Variants in CHN2 observed in about 807,000 individuals in gnomAD.
CHN2 encodes the protein beta-chimaerin.
Under a neutral mutation model 56.3 loss-of-function variants are expected in CHN2, and 35 were observed. The observed-to-expected ratio is 0.62, with a 90% CI of 0.47 to 0.82. The LOEUF is 0.82. CHN2 is among the 40% of genes least tolerant of loss of function. The pLI, the probability that CHN2 is intolerant of heterozygous loss-of-function variation, is 0.00. For missense variants in CHN2, 491 were observed against 580.5 expected (o/e 0.85, Z 1.58); for synonymous variants, 210 against 212.8 (o/e 0.99, Z 0.12).
intron 7 of CHN2, among the ~76,000 whole-genome samples, chr7:29,494,063 C>G (rs535775582): frequency 6.6e-6 from 1 of 152,174 alleles, no homozygotes; most frequent in African/African-American, 2.4e-5. Flanking sequence ...TTCACCACAC[C>G]AAGTTCTTTT....
intron 1 of CHN2, among the ~76,000 whole-genome samples, chr7:29,315,758 A>G (rs1006651430): frequency 1.3e-5 from 2 of 152,226 alleles, no homozygotes; most frequent in African/African-American, 4.8e-5. Context: ...GAATAAAAGA[A>G]AAAAAGTTAT....
At chr7:29,174,495 G>A (rs1332377680) in intron 2 of CHN2, among the ~76,000 whole-genome samples, 2 of 152,260 alleles carry the variant, frequency 1.3e-5, no homozygotes, top group East Asian at 3.9e-4. Flanking sequence ...AGCCATGGGG[G>A]CACAAAGCAG....
intron 1 of CHN2, among the ~76,000 whole-genome samples, chr7:29,324,575 C>T (rs1795655691): frequency 6.6e-6 from 1 of 150,762 alleles, no homozygotes; most frequent in Admixed American, 6.6e-5. Flanking sequence ...TGTACCCCTG[C>T]TAGATCGTGT....
chr7:29,195,927 G>A (rs1783671997), intron 1 of CHN2, among the ~76,000 whole-genome samples: 1 of 152,034 alleles, frequency 6.6e-6, no homozygotes, highest in South Asian at 2.1e-4. Context: ...TACCTCTCTG[G>A]TCATTGAAAA....
chr7:29,328,845 G>A (rs545800379), intron 1 of CHN2, among the ~76,000 whole-genome samples: 10 of 152,118 alleles, frequency 6.6e-5, no homozygotes, highest in Non-Finnish European at 1.2e-4. Context: ...GTAATTGGAA[G>A]TTAAAAAAAG....
intron 1 of CHN2, among the ~76,000 whole-genome samples, chr7:29,228,358 C>T (rs1018348414): frequency 5.9e-5 from 9 of 152,150 alleles, no homozygotes; most frequent in African/African-American, 1.9e-4. Flanking sequence ...TTCCATTGTG[C>T]TGTAATTGCC....
chr7:29,387,936 C>A (rs1484827609), intron 3 of CHN2, among the ~76,000 whole-genome samples: 1 of 152,174 alleles, frequency 6.6e-6, no homozygotes, highest in African/African-American at 2.4e-5. Context: ...CACAAATATA[C>A]CTACTCATTA....
At chr7:29,447,032 A>G (rs1784080634) in intron 6 of CHN2, among the ~76,000 whole-genome samples, 1 of 152,184 alleles carries the variant, frequency 6.6e-6, no homozygotes, top group South Asian at 2.1e-4. Flanking sequence ...GAAGTTGAAG[A>G]ACATTTATGG....
intron 4 of CHN2, among the ~76,000 whole-genome samples, chr7:29,394,326 T>C (rs1729912945): frequency 6.6e-6 from 1 of 152,182 alleles, no homozygotes; most frequent in African/African-American, 2.4e-5. Context: ...GCCTATGGTG[T>C]GTACAGCACA....
At chr7:29,483,759 C>A in intron 7 of CHN2, 1 of 1,083,134 alleles carries the variant, frequency 9.2e-7, no homozygotes, top group Non-Finnish European at 1.2e-6. Context: ...AATCTTCAGG[C>A]CAGCCAACCC....
chr7:29,217,991 A>C (rs1785467204), intron 1 of CHN2, among the ~76,000 whole-genome samples: 1 of 152,156 alleles, frequency 6.6e-6, no homozygotes, highest in South Asian at 2.1e-4. Context: ...CTTTTGCTTA[A>C]AACATGAAAT....
intron 2 of CHN2, among the ~76,000 whole-genome samples, chr7:29,187,715 C>T (rs1323143245): frequency 6.6e-6 from 1 of 151,914 alleles, no homozygotes; most frequent in East Asian, 1.9e-4. Context: ...GCAACAAGAG[C>T]AAGACTCCCT....
intron 6 of CHN2, among the ~76,000 whole-genome samples, chr7:29,405,202 C>CACACAT (rs1802546959): frequency 8.2e-6 from 1 of 121,442 alleles, no homozygotes; most frequent in Non-Finnish European, 1.8e-5. Flanking sequence ...CACACACACA[C>CACACAT]ACACACACAC....
At chr7:29,195,991 G>A (rs1223859913) in intron 1 of CHN2, among the ~76,000 whole-genome samples, 1 of 152,168 alleles carries the variant, frequency 6.6e-6, no homozygotes, top group African/African-American at 2.4e-5. Flanking sequence ...GTAGTATACA[G>A]TATTTAAGGG....
intron 1 of CHN2, among the ~76,000 whole-genome samples, chr7:29,200,477 C>T (rs910214604): frequency 1.5e-5 from 2 of 137,148 alleles, no homozygotes; most frequent in East Asian, 4.5e-4. Flanking sequence ...TCCCCCCTTC[C>T]CCCCCCCTTT....
At position 29,444,312 on chromosome 7, in the gene CHN2, T is replaced by C. The variant is rs149015500; in HGVS notation, c.577-35967T>C. Among the ~76,000 whole-genome samples the C allele has an allele frequency of 4.2e-4, 64 of 152,318 alleles. No homozygotes were observed. In the East Asian group the frequency reaches 0.012, roughly 28 times the overall value. On this transcript the variant is annotated intron_variant, in intron 6 of 12. Transcript: ENST00000222792. ...CTGCATAACAAATTACCCCAAAATG[T>C]AGTGACTTTAAACACCAAGAAGCAT... is the stretch of plus-strand genomic sequence containing the variant.
chr7:29,360,264 G>A (rs578128969), intron 2 of CHN2, among the ~76,000 whole-genome samples: 2 of 152,356 alleles, frequency 1.3e-5, no homozygotes, highest in East Asian at 1.9e-4. Flanking sequence ...GCTCACGCCT[G>A]TAATCCCAGC....
At chr7:29,460,017 A>T (rs954533653) in intron 6 of CHN2, among the ~76,000 whole-genome samples, 9 of 152,118 alleles carry the variant, frequency 5.9e-5, no homozygotes, top group African/African-American at 2.2e-4. Context: ...CCACAAACTC[A>T]GTTCTGATCC....
At position 29,232,926 on chromosome 7, in the gene CHN2, T is replaced by A. The variant is rs147183200; in HGVS notation, c.49+37936T>A. Among the ~76,000 whole-genome samples the A allele has an allele frequency of 1.0e-2, 1,520 of 152,354 alleles. 14 individuals are homozygous for A. Among genetic ancestry groups the A allele is most frequent in the Non-Finnish European group, 0.016 (1,091 of 68,028 alleles). ...TTGTCCTCATGTGTACATATTATGG[T>A]CCAACCTTTTTAACATCCTTGTTAT... is the stretch of plus-strand genomic sequence containing the variant. On this transcript the variant is annotated intron_variant, in intron 1 of 12. Transcript: ENST00000222792.
Sources: gnomAD v4.1 joint callset for allele counts (sites outside exome capture counted in the v4.1 genomes callset) on GRCh38, gnomAD v4.1.1 for gene constraint, MANE v1.5 for transcripts, NCBI Gene and HGNC (gene_info 2026-07-23, HGNC 2026-07-21) for gene names.